Variants in FGF14 observed in about 807,000 individuals in gnomAD.
FGF14 encodes fibroblast growth factor homologous factor 4.
In FGF14, 5 loss-of-function variants were observed where a neutral mutation model predicts 25.5. The ratio of observed to expected loss-of-function variants is 0.20; its 90% CI spans 0.10 to 0.41. The LOEUF (loss-of-function observed/expected upper bound fraction) is 0.41. FGF14 is among the 10% of genes least tolerant of loss of function. FGF14 has a pLI of 1.00. For synonymous variants in FGF14, 138 were observed against 118.3 expected, an observed-to-expected ratio of 1.17 and a Z score of -1.08; for missense variants, 222 against 320.1, an observed-to-expected ratio of 0.69 and a Z score of 2.34.
chr13:101,915,825 C>T (rs1283450605), intron 1 of FGF14, among the ~76,000 whole-genome samples: 1 of 152,238 alleles, frequency 6.6e-6, no homozygotes, highest in East Asian at 1.9e-4. Context: ...GCCTCTGTCC[C>T]CATCCCAGGA....
Position 102,206,404 on chromosome 13 carries a change from G to A in FGF14, c.208+195067C>T, listed in dbSNP as rs369660940. Among the ~76,000 whole-genome samples, 20 of 152,224 alleles carry A rather than the reference G, an allele frequency of 1.3e-4. No individual in the cohort carries two copies. In the South Asian group the frequency reaches 2.1e-3, roughly 16 times the overall value. ...TTAAAATTATATTAATATCAGGCCC[G>A]GCGCAGTGGCTCACGCCTGTAATCC... On this transcript the variant is annotated intron_variant, in intron 1 of 4. Coordinates refer to the FGF14 transcript ENST00000376131.
At position 101,725,594 on chromosome 13, in the gene FGF14, ATTATT is replaced by A. The variant is rs145293600; in HGVS notation, c.607+1013_607+1017del. On this transcript the variant is annotated intron_variant, in intron 4 of 4. Transcript: ENST00000376143. ...AAGAATTGACTGTTCAAATTTTTAA[ATTATT>A]TTATTTCAATATAGAGAATATGCAT... Among the ~76,000 whole-genome samples the A allele has an allele frequency of 2.6e-3, 393 of 152,238 alleles. 1 individual carries two copies. The highest frequency in any genetic ancestry group is 9.1e-3 in the African/African-American group (378 of 41,564).
At chr13:101,991,965 G>T (rs1384222784) in intron 1 of FGF14, among the ~76,000 whole-genome samples, 1 of 152,058 alleles carries the variant, frequency 6.6e-6, no homozygotes, top group Non-Finnish European at 1.5e-5. Flanking sequence ...AACTGATTAG[G>T]GTTTTGCCAA....
chr13:102,214,886 C>T (rs1451447940), intron 1 of FGF14, among the ~76,000 whole-genome samples: 1 of 152,152 alleles, frequency 6.6e-6, no homozygotes, highest in Admixed American at 6.5e-5. Flanking sequence ...AAATCTTGTT[C>T]TAGACGTTCT....
At chr13:101,872,719 G>T (rs2140467611) in intron 2 of FGF14, among the ~76,000 whole-genome samples, 1 of 152,070 alleles carries the variant, frequency 6.6e-6, no homozygotes, top group Middle Eastern at 3.4e-3. Context: ...TTTTGAGGAG[G>T]GAATATTGAT....
chr13:102,113,304 T>C (rs1412409737), intron 1 of FGF14, among the ~76,000 whole-genome samples: 2 of 152,192 alleles, frequency 1.3e-5, no homozygotes, highest in African/African-American at 4.8e-5. Context: ...AGACCAGGGC[T>C]TCTCTCTTCA....
At chr13:102,115,282 C>CA (rs1748990899) in intron 1 of FGF14, among the ~76,000 whole-genome samples, 2 of 152,250 alleles carry the variant, frequency 1.3e-5, no homozygotes, top group South Asian at 4.1e-4. Flanking sequence ...CGCTTGTCCC[C>CA]ACCCTCTCTG....
intron 1 of FGF14, among the ~76,000 whole-genome samples, chr13:102,212,665 A>T (rs2050210515): frequency 6.6e-6 from 1 of 152,216 alleles, no homozygotes; most frequent in Non-Finnish European, 1.5e-5. Flanking sequence ...GGGAATTATG[A>T]TTCTAACATT....
chr13:101,839,755 A>C (rs761290321), intron 3 of FGF14, among the ~76,000 whole-genome samples: 9 of 151,992 alleles, frequency 5.9e-5, no homozygotes, highest in Non-Finnish European at 1.2e-4. Context: ...GCCATAGGTT[A>C]ACGGTACATC....
At chr13:102,319,946 C>T (rs936205838) in intron 1 of FGF14, among the ~76,000 whole-genome samples, 6 of 152,184 alleles carry the variant, frequency 3.9e-5, no homozygotes, top group Non-Finnish European at 7.3e-5. Context: ...CAAATAACCA[C>T]TGAACTACAG....
intron 1 of FGF14, among the ~76,000 whole-genome samples, chr13:102,205,984 T>TAAAAAAAAAAAAAA (rs36108366): frequency 6.3e-5 from 3 of 47,462 alleles, no homozygotes; most frequent in South Asian, 1.4e-3. Flanking sequence ...CTCCCTGTGG[T>TAAAAAAAAAAAAAA]AAAAAAAAAA....
At chr13:102,381,046 A>T (rs2058171920) in intron 1 of FGF14, among the ~76,000 whole-genome samples, 1 of 152,182 alleles carries the variant, frequency 6.6e-6, no homozygotes. Flanking sequence ...GTTGGGCAAA[A>T]TCATCTAACA....
intron 1 of FGF14, among the ~76,000 whole-genome samples, chr13:102,136,662 A>G (rs969972655): frequency 4.1e-5 from 6 of 147,222 alleles, no homozygotes; most frequent in South Asian, 4.3e-4. Flanking sequence ...ATTCTATGGG[A>G]AAAAAAAAAA....
chr13:102,394,494 C>T (rs1174133318), intron 1 of FGF14: 1 of 152,670 alleles, frequency 6.6e-6, no homozygotes, highest in South Asian at 2.1e-4. Context: ...GCGGCGGCTT[C>T]CGGCCGCCAT....
chr13:102,040,538 A>T (rs889446592), intron 1 of FGF14, among the ~76,000 whole-genome samples: 3 of 152,182 alleles, frequency 2.0e-5, no homozygotes, highest in African/African-American at 7.2e-5. Flanking sequence ...TAGATAATAA[A>T]AACTACTTTG....
chr13:102,382,233 T>C (rs914721844), intron 1 of FGF14, among the ~76,000 whole-genome samples: 6 of 152,122 alleles, frequency 3.9e-5, no homozygotes, highest in African/African-American at 9.6e-5. Context: ...CTAAATCATA[T>C]ACCTGATAAG....
Position 101,722,647 on chromosome 13 carries a change from CTTG to C in FGF14, c.*181_*183del, listed in dbSNP as rs2035069617. The C allele has an allele frequency of 4.1e-6, 3 of 734,002 alleles. No individual in the cohort carries two copies. Among genetic ancestry groups the C allele is most frequent in the Non-Finnish European group, 6.8e-6 (3 of 440,766 alleles). 45.5% of individuals were successfully genotyped at this position (734,002 alleles called of 1,614,324 possible). A position where few individuals can be genotyped will look rare whatever the true frequency, so the allele number is the denominator to read the frequency against. ...GTTTAGCTGGTTATCCAGGTGTCTTCTTGTTGTGGGGGGTGCAACAGGTTGAGA... is the reference window on the plus strand; with the variant it reads ...GTTTAGCTGGTTATCCAGGTGTCTTCTTGTGGGGGGTGCAACAGGTTGAGA... On this transcript the variant is annotated 3_prime_UTR_variant, in exon 5 of 5. Transcript: ENST00000376143.
chr13:102,118,178 AATT>A (rs1203210864), intron 1 of FGF14, among the ~76,000 whole-genome samples: 1 of 152,032 alleles, frequency 6.6e-6, no homozygotes, highest in African/African-American at 2.4e-5. Context: ...TTAATTTTGA[AATT>A]ATTATATTCA....
intron 1 of FGF14, among the ~76,000 whole-genome samples, chr13:102,118,753 CACTT>C (rs2045586813): frequency 6.6e-6 from 1 of 151,602 alleles, no homozygotes; most frequent in Non-Finnish European, 1.5e-5. Flanking sequence ...AATTTTATGT[CACTT>C]AAAAAATAAA....
Sources: gnomAD v4.1 joint callset for allele counts (sites outside exome capture counted in the v4.1 genomes callset) on GRCh38, gnomAD v4.1.1 for gene constraint, MANE v1.5 for transcripts, NCBI Gene and HGNC (gene_info 2026-07-23, HGNC 2026-07-21) for gene names.